Variants in NTRK2 observed in about 807,000 individuals in gnomAD.
NTRK2 encodes the protein BDNF/NT-3 growth factors receptor.
In NTRK2, 13 loss-of-function variants were observed where a neutral mutation model predicts 94.5. The observed-to-expected ratio is 0.14, with a 90% confidence interval of 0.09 to 0.22. The LOEUF is 0.22. Among genes scored for constraint, NTRK2 ranks in the 10% least tolerant of loss-of-function variants. The probability of loss-of-function intolerance (pLI) is 1.00; values close to 1 mark genes in which losing one functional copy is unlikely to be tolerated. For synonymous variants in NTRK2, 372 were observed against 407.4 expected, an observed-to-expected ratio of 0.91 and a Z score of 1.05; for missense variants, 639 against 1,071.2, an observed-to-expected ratio of 0.60 and a Z score of 5.63.
chr9:84,708,183 G>A (rs938601621), intron 5 of NTRK2, among the ~76,000 whole-genome samples: 1 of 151,914 alleles, frequency 6.6e-6, no homozygotes, highest in Non-Finnish European at 1.5e-5. Flanking sequence ...ATAATTTCTG[G>A]TACAGGGAAA....
intron 6 of NTRK2, among the ~76,000 whole-genome samples, chr9:84,720,317 A>G (rs912457253): frequency 6.6e-6 from 1 of 152,192 alleles, no homozygotes; most frequent in African/African-American, 2.4e-5. Flanking sequence ...AAAGTGGATA[A>G]AACAAAGGTT....
chr9:84,711,604 G>C (rs2061422007), intron 6 of NTRK2, among the ~76,000 whole-genome samples: 1 of 152,208 alleles, frequency 6.6e-6, no homozygotes, highest in Non-Finnish European at 1.5e-5. Flanking sequence ...CTGGCCTAGT[G>C]GCTGGTGACA....
chr9:84,902,045 A>C (rs1388272936), intron 14 of NTRK2, among the ~76,000 whole-genome samples: 1 of 151,960 alleles, frequency 6.6e-6, no homozygotes, highest in Non-Finnish European at 1.5e-5. Context: ...AATACAAAAA[A>C]ATTAGCCAGG....
At chr9:84,770,727 G>A (rs1391988598) in intron 12 of NTRK2, among the ~76,000 whole-genome samples, 2 of 152,200 alleles carry the variant, frequency 1.3e-5, no homozygotes, top group African/African-American at 2.4e-5. Context: ...GGGCCGTTGT[G>A]GGCCAGGTCC....
intron 12 of NTRK2, among the ~76,000 whole-genome samples, chr9:84,832,686 C>G (rs2073630260): frequency 6.6e-6 from 1 of 152,186 alleles, no homozygotes; most frequent in Non-Finnish European, 1.5e-5. Flanking sequence ...CCCCAAACCC[C>G]TTGAACCAGC....
chr9:84,906,949 T>C (rs578186576), intron 14 of NTRK2, among the ~76,000 whole-genome samples: 1 of 152,352 alleles, frequency 6.6e-6, no homozygotes, highest in East Asian at 1.9e-4. Flanking sequence ...AAAGGAGTGT[T>C]CCTTTTTCAA....
rs189777527 is a variant in NTRK2 at position 84,782,215 on chromosome 9, A to G, written c.1396+30130A>G. Among the ~76,000 whole-genome samples the G allele has an allele frequency of 2.9e-3, 448 of 152,342 alleles. 1 individual carries two copies. Among genetic ancestry groups the G allele is most frequent in the South Asian group, 6.4e-3 (31 of 4,828 alleles). On this transcript the variant is annotated intron_variant, in intron 12 of 18. Transcript: ENST00000277120. ...TTCCATAGGGAATGCTTACCAAGCC[A>G]GGCATGTGAGCTTGCCAGGACTCAT... is the stretch of plus-strand genomic sequence containing the variant.
chr9:84,830,121 A>T (rs1173216189), intron 12 of NTRK2, among the ~76,000 whole-genome samples: 1 of 152,206 alleles, frequency 6.6e-6, no homozygotes, highest in African/African-American at 2.4e-5. Flanking sequence ...GCATTCATGT[A>T]GACTTATGCT....
chr9:85,013,406 G>A (rs949549794), intron 17 of NTRK2, among the ~76,000 whole-genome samples: 3 of 152,140 alleles, frequency 2.0e-5, no homozygotes, highest in South Asian at 2.1e-4. Flanking sequence ...GGGTTCAAAC[G>A]GTTCTCCTGC....
chr9:84,872,839 G>A, intron 14 of NTRK2: 1 of 1,064,832 alleles, frequency 9.4e-7, no homozygotes, highest in Non-Finnish European at 1.1e-6. Flanking sequence ...ATAAAGGGAG[G>A]GAGTATTTTA....
intron 6 of NTRK2, among the ~76,000 whole-genome samples, chr9:84,711,946 TA>T (rs1187419929): frequency 6.6e-6 from 1 of 152,156 alleles, no homozygotes; most frequent in African/African-American, 2.4e-5. Flanking sequence ...ACTTAAAAAA[TA>T]AAAAAACTTT....
chr9:84,727,972 C>T lies in NTRK2; in HGVS notation c.1159+13C>T, dbSNP rs1421040163. 3 of 1,611,634 alleles carry T rather than the reference C, an allele frequency of 1.9e-6. No homozygotes were observed. The African/African-American group carries it at 4.0e-5, about 22-fold the overall frequency. ...GGAATTGACGATGGTGAGTAACTGA[C>T]ACTTTTGTATGTGGGGAGAAGATAA... On this transcript the variant is annotated intron_variant, in intron 9 of 18. Transcript: ENST00000277120.
chr9:84,858,771 C>T (rs960424627), intron 12 of NTRK2, among the ~76,000 whole-genome samples: 1 of 151,500 alleles, frequency 6.6e-6, no homozygotes, highest in Non-Finnish European at 1.5e-5. Context: ...TGAATAACTA[C>T]TTAGTGTTTT....
intron 14 of NTRK2, among the ~76,000 whole-genome samples, chr9:84,902,617 G>A (rs191565070): frequency 2.6e-3 from 401 of 152,246 alleles, no homozygotes; most frequent in Non-Finnish European, 4.3e-3. Context: ...AGGGAAGCAG[G>A]CAAACGAATC....
chr9:84,839,577 G>A (rs1451696441), intron 12 of NTRK2, among the ~76,000 whole-genome samples: 1 of 152,164 alleles, frequency 6.6e-6, no homozygotes, highest in East Asian at 1.9e-4. Context: ...GCTGCATTAG[G>A]TCAACACCAG....
At chr9:84,752,409 A>G (rs1469636126) in intron 12 of NTRK2, among the ~76,000 whole-genome samples, 5 of 152,212 alleles carry the variant, frequency 3.3e-5, no homozygotes. Flanking sequence ...CACAGTGGGG[A>G]TAGGATAACC....
chr9:85,026,758 C>T lies in NTRK2; in HGVS notation c.*5321C>T, dbSNP rs1833055340. The T allele has an allele frequency of 8.6e-6, 2 of 232,796 alleles. No individual in the cohort carries two copies. Among genetic ancestry groups the T allele is most frequent in the South Asian group, 1.8e-4 (1 of 5,526 alleles). 14.4% of individuals were successfully genotyped at this position (232,796 alleles called of 1,614,324 possible). ...TCTACAGATATATTTCCCCTTCAAT[C>T]GTGACCTGGTATTTGGAACTCTCCT... On this transcript the variant is annotated 3_prime_UTR_variant, in exon 19 of 19. Coordinates refer to ENST00000277120, the MANE Select transcript of NTRK2 (RefSeq NM_006180.6).
intron 17 of NTRK2, among the ~76,000 whole-genome samples, chr9:85,010,738 C>G (rs942854650): frequency 2.1e-4 from 32 of 152,140 alleles, no homozygotes; most frequent in Non-Finnish European, 5.9e-5. Flanking sequence ...GTTTCTAGAT[C>G]CAAATGTAAT....
At chr9:84,888,649 A>AAAAAAG (rs2076494237) in intron 14 of NTRK2, among the ~76,000 whole-genome samples, 6 of 141,090 alleles carry the variant, frequency 4.3e-5, no homozygotes, top group East Asian at 2.1e-4. Context: ...AAAAAAAAAA[A>AAAAAAG]GTGGCAGAGA....
Sources: gnomAD v4.1 joint callset for allele counts (sites outside exome capture counted in the v4.1 genomes callset) on GRCh38, gnomAD v4.1.1 for gene constraint, MANE v1.5 for transcripts, NCBI Gene and HGNC (gene_info 2026-07-23, HGNC 2026-07-21) for gene names.